Variants in LINGO2 observed in about 807,000 individuals in gnomAD.
LINGO2 encodes the protein leucine rich repeat and Ig domain containing 2, also known as leucine-rich repeat and immunoglobulin-like domain-containing nogo receptor-interacting protein 2.
A neutral mutation model predicts 30.6 loss-of-function variants in LINGO2; 14 were observed. The ratio of observed to expected loss-of-function variants is 0.46; its 90% CI spans 0.30 to 0.72. The LOEUF is 0.72. Ranked by LOEUF, LINGO2 falls within the 30% of genes least tolerant of loss-of-function variation. The pLI is 0.07. For synonymous variants in LINGO2, 317 were observed against 288.5 expected (o/e 1.10, Z -1.00); for missense variants, 729 against 751.7 (o/e 0.97, Z 0.35).
chr9:27,976,180 A>AGAGCAGT (rs1450559157), intron 5 of LINGO2, among the ~76,000 whole-genome samples: 4 of 152,170 alleles, frequency 2.6e-5, no homozygotes, highest in African/African-American at 9.7e-5. Context: ...TAAAGTGCTT[A>AGAGCAGT]GAGCAGTGTC....
At chr9:28,716,339 A>G in the LINGO2 span, among the ~76,000 whole-genome samples, 9 of 152,018 alleles carry the variant, frequency 5.9e-5, 1 homozygote, top group African/African-American at 2.2e-4. Flanking sequence ...GGAGTATGTG[A>G]AAGAAAGAAT....
At chr9:28,224,070 AT>A (rs570193860) in intron 4 of LINGO2, among the ~76,000 whole-genome samples, 2 of 150,702 alleles carry the variant, frequency 1.3e-5, no homozygotes, top group East Asian at 2.0e-4. Context: ...ATAAGGCAGA[AT>A]TTTTTTTTTC....
chr9:27,948,663 T>C (rs964686088), exon 6 of LINGO2: 1 of 681,932 alleles, frequency 1.5e-6, no homozygotes, highest in African/African-American at 1.8e-5. Flanking sequence ...TGAAGGGCTC[T>C]GACACATGCC....
At chr9:29,162,921 T>C in the LINGO2 span, among the ~76,000 whole-genome samples, 1 of 152,096 alleles carries the variant, frequency 6.6e-6, no homozygotes, top group Non-Finnish European at 1.5e-5. Flanking sequence ...ATTGCCTTCT[T>C]ACAAAAAGAA....
At chr9:28,091,952 T>C (rs567121145) in intron 4 of LINGO2, among the ~76,000 whole-genome samples, 1 of 152,262 alleles carries the variant, frequency 6.6e-6, no homozygotes, top group Non-Finnish European at 1.5e-5. Context: ...AAAATGCTCA[T>C]CATCACTGGC....
At chr9:29,104,921 GT>G in the LINGO2 span, among the ~76,000 whole-genome samples, 2 of 152,156 alleles carry the variant, frequency 1.3e-5, no homozygotes, top group African/African-American at 4.8e-5. Flanking sequence ...ATAAAATGTT[GT>G]CTCAAAAGGG....
intron 1 of LINGO2, among the ~76,000 whole-genome samples, chr9:28,624,209 T>C (rs1826544955): frequency 6.6e-6 from 1 of 152,244 alleles, no homozygotes; most frequent in South Asian, 2.1e-4. Context: ...TCTAGTATTA[T>C]GTTGAAAAAC....
intron 4 of LINGO2, among the ~76,000 whole-genome samples, chr9:28,277,707 G>T (rs1823167495): frequency 6.6e-6 from 1 of 152,044 alleles, no homozygotes; most frequent in Admixed American, 6.6e-5. Context: ...TACTTGGGAG[G>T]CTAAGGCAGG....
At chr9:29,189,720 C>A in the LINGO2 span, among the ~76,000 whole-genome samples, 9 of 152,148 alleles carry the variant, frequency 5.9e-5, no homozygotes, top group Non-Finnish European at 1.2e-4. Context: ...AGCCTGGGCA[C>A]GGTTGAGCAC....
intron 4 of LINGO2, among the ~76,000 whole-genome samples, chr9:28,104,588 C>A (rs1383109390): frequency 6.6e-6 from 1 of 151,826 alleles, no homozygotes; most frequent in Non-Finnish European, 1.5e-5. Flanking sequence ...AATTACAATT[C>A]CATGATCCTA....
the LINGO2 span, among the ~76,000 whole-genome samples, chr9:28,842,534 T>A: frequency 6.6e-6 from 1 of 151,828 alleles, no homozygotes; most frequent in Non-Finnish European, 1.5e-5. Flanking sequence ...AGAAATAATG[T>A]GTGGATTGTA....
intron 5 of LINGO2, among the ~76,000 whole-genome samples, chr9:27,981,820 T>G (rs934112284): frequency 6.6e-6 from 1 of 151,788 alleles, no homozygotes; most frequent in Non-Finnish European, 1.5e-5. Context: ...GCAAATACAA[T>G]AGTAGTTTGA....
intron 4 of LINGO2, among the ~76,000 whole-genome samples, chr9:28,196,404 G>C (rs1487672476): frequency 2.0e-5 from 3 of 151,760 alleles, no homozygotes; most frequent in African/African-American, 7.2e-5. Flanking sequence ...CTCATGAAAG[G>C]TAGTTGCTCA....
At chr9:28,240,818 A>C (rs1821757011) in intron 4 of LINGO2, among the ~76,000 whole-genome samples, 2 of 152,158 alleles carry the variant, frequency 1.3e-5, no homozygotes, top group East Asian at 1.9e-4. Flanking sequence ...TAAAAAGCTG[A>C]AGTTTATAAA....
the LINGO2 span, among the ~76,000 whole-genome samples, chr9:29,000,560 C>G: frequency 6.6e-6 from 1 of 151,930 alleles, no homozygotes; most frequent in Admixed American, 6.6e-5. Context: ...AGGTTTAGAA[C>G]TCTAGTCATG....
the LINGO2 span, among the ~76,000 whole-genome samples, chr9:28,694,351 A>G: frequency 6.6e-6 from 1 of 152,034 alleles, no homozygotes; most frequent in Non-Finnish European, 1.5e-5. Flanking sequence ...CCTGGTTCAT[A>G]AGTCAAACTA....
At chr9:28,841,652 A>C in the LINGO2 span, among the ~76,000 whole-genome samples, 34 of 151,858 alleles carry the variant, frequency 2.2e-4, 2 homozygotes, top group Middle Eastern at 0.017. Flanking sequence ...GATTAGAAAA[A>C]TCTAGGAGGT....
At chr9:28,774,613 T>A in the LINGO2 span, among the ~76,000 whole-genome samples, 2 of 152,012 alleles carry the variant, frequency 1.3e-5, no homozygotes, top group Admixed American at 6.6e-5. Context: ...GCAGAGCAAT[T>A]AAACTTTTCT....
intron 4 of LINGO2, among the ~76,000 whole-genome samples, chr9:28,052,324 G>A (rs936176960): frequency 2.0e-5 from 3 of 152,080 alleles, no homozygotes; most frequent in African/African-American, 7.2e-5. Flanking sequence ...TACAAGTAAT[G>A]ACTAGTTTAT....
Sources: gnomAD v4.1 joint callset for allele counts (sites outside exome capture counted in the v4.1 genomes callset) on GRCh38, gnomAD v4.1.1 for gene constraint, MANE v1.5 for transcripts, NCBI Gene and HGNC (gene_info 2026-07-23, HGNC 2026-07-21) for gene names.